TRPM3: variants seen among roughly 807,000 people sequenced by gnomAD.
TRPM3 encodes transient receptor potential cation channel subfamily M member 3, also known as long transient receptor potential channel 3.
TRPM3 carries 77 observed loss-of-function variants against 181.2 expected under a neutral mutation model. That is an observed-to-expected ratio of 0.42 (90% CI 0.35 to 0.51). The LOEUF (loss-of-function observed/expected upper bound fraction) is 0.51, where lower values mean the gene tolerates loss of function less well. TRPM3 is among the 20% of genes least tolerant of loss of function. The pLI, the probability that TRPM3 is intolerant of heterozygous loss-of-function variation, is 0.01. For synonymous variants in TRPM3, 745 were observed against 796.4 expected (o/e 0.94, Z 1.09); for missense variants, 1,759 against 2,196.7 (o/e 0.80, Z 3.98).
chr9:71,267,697 A>G (rs1236766084), intron 1 of TRPM3, among the ~76,000 whole-genome samples: 1 of 152,178 alleles, frequency 6.6e-6, no homozygotes, highest in Non-Finnish European at 1.5e-5. Flanking sequence ...TATTAATTAT[A>G]CTTTTATTTT....
chr9:71,020,993 G>C (rs1335415626), intron 1 of TRPM3, among the ~76,000 whole-genome samples: 1 of 152,132 alleles, frequency 6.6e-6, no homozygotes, highest in Non-Finnish European at 1.5e-5. Context: ...ATGGCCATCA[G>C]AGTTTGAATA....
At chr9:71,432,711 T>C (rs990249272) in intron 1 of TRPM3, among the ~76,000 whole-genome samples, 3 of 152,224 alleles carry the variant, frequency 2.0e-5, no homozygotes, top group Non-Finnish European at 2.9e-5. Flanking sequence ...TATCTTTTTG[T>C]TCAAAATGTG....
intron 1 of TRPM3, among the ~76,000 whole-genome samples, chr9:71,078,847 A>G (rs794285): frequency 0.23 from 34,304 of 151,842 alleles, 4,521 homozygotes; most frequent in East Asian, 0.32. Context: ...TCAAATCAAA[A>G]CAAGAAGCTA....
Position 70,583,233 on chromosome 9 carries a change from G to C in TRPM3, c.3223+7798C>G, listed in dbSNP as rs928226991. On this transcript the variant is annotated intron_variant, in intron 22 of 25. Transcript: ENST00000677713. Reference sequence around the variant, plus strand: ...GATAAAAATGTCTTGGCAGAAGCAGGGCTGGAGGAGAGAAAAAAGAAATGT... The same window carrying C: ...GATAAAAATGTCTTGGCAGAAGCAGCGCTGGAGGAGAGAAAAAAGAAATGT... 3.9e-5 allele frequency among the ~76,000 whole-genome samples: 6 copies of C among 152,278 alleles called. No homozygotes were observed. The East Asian group carries it at 9.7e-4, about 25-fold the overall frequency.
chr9:71,358,231 A>G (rs1171968358), intron 1 of TRPM3, among the ~76,000 whole-genome samples: 3 of 152,180 alleles, frequency 2.0e-5, no homozygotes, highest in Non-Finnish European at 4.4e-5. Context: ...AATCATTCTC[A>G]ACAGCATCTT....
chr9:71,205,059 G>A (rs1342633687), intron 1 of TRPM3, among the ~76,000 whole-genome samples: 3 of 152,022 alleles, frequency 2.0e-5, no homozygotes, highest in African/African-American at 7.2e-5. Context: ...AACAGGGCCT[G>A]TTGTGGGGTG....
intron 15 of TRPM3, among the ~76,000 whole-genome samples, chr9:70,621,017 T>TATATTATTATATATATATAATATATAC (rs1163067329): frequency 6.8e-5 from 10 of 146,164 alleles, no homozygotes; most frequent in Non-Finnish European, 1.5e-4. Flanking sequence ...ATTATATATA[T>TATATTATTATATATATATAATATATAC]ATATTATTAT....
chr9:71,252,082 T>G (rs964995899), intron 1 of TRPM3, among the ~76,000 whole-genome samples: 1 of 152,246 alleles, frequency 6.6e-6, no homozygotes, highest in African/African-American at 2.4e-5. Flanking sequence ...TATTCATTCA[T>G]GTGTTGATGG....
chr9:70,827,231 C>G (rs1015888557), intron 6 of TRPM3: 1 of 152,184 alleles, frequency 6.6e-6, no homozygotes, highest in Non-Finnish European at 1.5e-5. Flanking sequence ...CTTTGAAATG[C>G]CTTTGCACAG....
At chr9:70,669,355 T>G (rs7857925) in intron 9 of TRPM3, among the ~76,000 whole-genome samples, 57,645 of 152,080 alleles carry the variant, frequency 0.38, 11,367 homozygotes, top group African/African-American at 0.47. Flanking sequence ...TTGAGACTGG[T>G]GAACCCTGGT....
At chr9:70,889,872 G>A (rs11142637) in intron 1 of TRPM3, among the ~76,000 whole-genome samples, 2,234 of 149,962 alleles carry the variant, frequency 0.015, 51 homozygotes, top group African/African-American at 0.051. Context: ...TGTATATATG[G>A]CATATACTTA....
At chr9:71,366,457 C>T (rs1446730876) in intron 1 of TRPM3, among the ~76,000 whole-genome samples, 2 of 152,012 alleles carry the variant, frequency 1.3e-5, no homozygotes, top group Non-Finnish European at 2.9e-5. Flanking sequence ...GCCTAAGTAC[C>T]AAGAGAGGTC....
intron 1 of TRPM3, among the ~76,000 whole-genome samples, chr9:71,140,046 T>C (rs569097687): frequency 3.7e-4 from 56 of 152,254 alleles, no homozygotes; most frequent in African/African-American, 1.3e-3. Flanking sequence ...CCTAGAGCTA[T>C]AGCAATCATC....
chr9:70,646,310 G>C (rs540106303), intron 9 of TRPM3, among the ~76,000 whole-genome samples: 35 of 152,248 alleles, frequency 2.3e-4, no homozygotes, highest in Middle Eastern at 6.8e-3. Context: ...CAAAGACTTG[G>C]AACCAACCCC....
chr9:71,094,444 C>T (rs1451831175), intron 1 of TRPM3, among the ~76,000 whole-genome samples: 1 of 152,072 alleles, frequency 6.6e-6, no homozygotes, highest in Non-Finnish European at 1.5e-5. Context: ...TCCTGCATAT[C>T]CTCATTTTAT....
At chr9:71,254,723 A>G (rs111564242) in intron 1 of TRPM3, among the ~76,000 whole-genome samples, 4 of 152,322 alleles carry the variant, frequency 2.6e-5, no homozygotes, top group African/African-American at 9.6e-5. Flanking sequence ...ACATTAACAA[A>G]TTGGTCTTGT....
At position 70,610,639 on chromosome 9, in the gene TRPM3, A is replaced by G. The variant is rs201695788; in HGVS notation, c.2637T>C (p.Asn879=). The change falls in exon 19 of 26, where the codon AAT becomes AAC. Residue 879 remains asparagine (N), a synonymous_variant. Transcript: ENST00000677713. Reference sequence around the variant, plus strand: ...AGAACCAGAACTTCACGATGGGTGCATTGTAGAATTCATAGATTTTTCTGC... The same window carrying G: ...AGAACCAGAACTTCACGATGGGTGCGTTGTAGAATTCATAGATTTTTCTGC... The part of the protein sequence containing the change: ...PLGRKIYEFY[N]APIVKFWFYT... The G allele has an allele frequency of 5.0e-6, 8 of 1,614,070 alleles. No homozygotes were observed. The East Asian group carries it at 1.6e-4, about 31-fold the overall frequency.
intron 1 of TRPM3, among the ~76,000 whole-genome samples, chr9:71,329,135 C>T (rs1446975134): frequency 2.0e-5 from 3 of 152,230 alleles, no homozygotes; most frequent in Admixed American, 1.3e-4. Context: ...TTACCTGCTG[C>T]TTGTTAACGT....
At chr9:70,835,477 A>T (rs1272882964) in intron 5 of TRPM3, among the ~76,000 whole-genome samples, 2 of 151,918 alleles carry the variant, frequency 1.3e-5, no homozygotes, top group African/African-American at 4.8e-5. Context: ...TGCCACCCTG[A>T]GTCCTCTGCT....
Sources: gnomAD v4.1 joint callset for allele counts (sites outside exome capture counted in the v4.1 genomes callset) on GRCh38, gnomAD v4.1.1 for gene constraint, MANE v1.5 for transcripts, NCBI Gene and HGNC (gene_info 2026-07-23, HGNC 2026-07-21) for gene names.